Variants in KAT8 observed in about 807,000 individuals in gnomAD.
KAT8 encodes lysine acetyltransferase 8, also known as histone acetyltransferase KAT8.
Under a neutral mutation model 62.9 loss-of-function variants are expected in KAT8, and 40 were observed. The ratio of observed to expected loss-of-function variants is 0.64; its 90% confidence interval spans 0.49 to 0.83. The LOEUF is 0.83. Ranked by LOEUF, KAT8 falls within the 40% of genes least tolerant of loss-of-function variation. The probability of loss-of-function intolerance (pLI) is 0.00; values close to 1 mark genes in which losing one functional copy is unlikely to be tolerated. For missense variants in KAT8, 387 were observed against 614.8 expected (o/e 0.63, Z 3.92); for synonymous variants, 278 against 254.5 (o/e 1.09, Z -0.88).
chr16:31,119,393 C>T (rs2057476222), intron 1 of KAT8, among the ~76,000 whole-genome samples: 1 of 152,130 alleles, frequency 6.6e-6, no homozygotes, highest in Non-Finnish European at 1.5e-5. Context: ...CGTGATTCAC[C>T]CACCTCGGCC....
At chr16:31,119,941 G>A (rs1043683522) in intron 1 of KAT8, among the ~76,000 whole-genome samples, 3 of 151,896 alleles carry the variant, frequency 2.0e-5, no homozygotes, top group Middle Eastern at 3.4e-3. Context: ...TCGGCCTCCA[G>A]AAGTACTGGG....
At chr16:31,131,057 C>A (rs551463336) in intron 10 of KAT8, 138 bp from the exon 11 acceptor site, 1 of 1,504,294 alleles carries the variant, frequency 6.6e-7, no homozygotes. Flanking sequence ...CCTGGGCTTC[C>A]CTACCCCTCC....
intron 1 of KAT8, among the ~76,000 whole-genome samples, chr16:31,119,853 G>A (rs4889620): frequency 0.32 from 47,828 of 148,618 alleles, 9,549 homozygotes; most frequent in East Asian, 0.89. Flanking sequence ...TTTTTTTTTC[G>A]TCTTTTTGGT....
intron 3 of KAT8, chr16:31,126,604 G>C (rs1157434963): frequency 5.4e-6 from 1 of 186,088 alleles, no homozygotes; most frequent in East Asian, 1.5e-4. Context: ...TGGGGCAGTC[G>C]CATGGGCAGG....
chr16:31,131,327 T>C lies in KAT8; in HGVS notation c.*68T>C. The stretch of plus-strand genomic sequence containing the variant: ...AGCCTGTAAATATGTATAGACCTGT[T>C]TTGTCATTTTTTTAATAAAGTCAGT... On this transcript the variant is annotated 3_prime_UTR_variant, in exon 11 of 11. Coordinates refer to ENST00000219797, the MANE Select transcript of KAT8 (RefSeq NM_032188.3). 1.3e-6 allele frequency: 2 copies of C among 1,568,162 alleles called. No individual in the cohort carries two copies. The highest frequency in any genetic ancestry group is 1.7e-6 in the Non-Finnish European group (2 of 1,146,598).
At position 31,130,354 on chromosome 16, in the gene KAT8, G is replaced by A. The variant is rs757488191; in HGVS notation, c.1000G>A (p.Ala334Thr). 5 of 1,614,214 alleles carry A rather than the reference G, an allele frequency of 3.1e-6. No individual in the cohort carries two copies. Among genetic ancestry groups the A allele is most frequent in the South Asian group, 1.1e-5 (1 of 91,084 alleles). Residue 334 changes from alanine (A) to threonine (T), a missense_variant, in exon 8 of 11, where the codon GCT becomes ACT. This residue lies in a region of KAT8 where 141 missense variants were observed against 222.5 expected (regional missense o/e 0.63). Coordinates refer to ENST00000219797, the MANE Select transcript of KAT8 (RefSeq NM_032188.3). ...CCGCGGCTACGGGAAGTTCCTCATC[G>A]CTTTCAGTGAGTGGTTCCTGGCCTG... ...QRRGYGKFLI[A>T]FSYELSKLES...
In KAT8 at chr16:31,129,874, G is replaced by T. The variant is rs539503772; in HGVS notation, c.772-143G>T. 1.4e-5 allele frequency: 13 copies of T among 902,478 alleles called. No homozygotes were observed. The African/African-American group carries it at 2.2e-4, about 15-fold the overall frequency. The allele number at this position is 902,478 out of a possible 1,614,324, so 55.9% of individuals were successfully genotyped here. A position where few individuals can be genotyped will look rare whatever the true frequency, so the allele number is the denominator to read the frequency against. ...ATTTCCAGTTCCCTGTTCGTCAGAG[G>T]CTGACCGAAGACTCCTTCCAGTGTG... is the stretch of plus-strand genomic sequence containing the variant. On this transcript the variant is annotated intron_variant, in intron 6 of 10. Transcript: ENST00000219797.
rs200848088 is a variant in KAT8, at chr16:31,117,796, G to T, written c.115G>T (p.Gly39Cys). 7.0e-7 allele frequency: 1 copy of T among 1,424,806 alleles called. No individual in the cohort carries two copies. Among genetic ancestry groups the T allele is most frequent in the African/African-American group, 1.5e-5 (1 of 66,904 alleles). The allele number at this position is 1,424,806 out of a possible 1,614,324, so 88.3% of individuals were successfully genotyped here. A position where few individuals can be genotyped will look rare whatever the true frequency, so the allele number is the denominator to read the frequency against. ...CGCTGAGGGGACCGCCCCATCCCCGGGCCGCGTCTCTCCGCCGACCCCGGC... is the reference window on the plus strand; with the variant it reads ...CGCTGAGGGGACCGCCCCATCCCCGTGCCGCGTCTCTCCGCCGACCCCGGC... ...AAAEGTAPSP[G>C]RVSPPTPARG... Residue 39 changes from glycine (G) to cysteine (C), a missense_variant, in exon 1 of 11, where the codon GGC (glycine) becomes TGC (cysteine). Physicochemically the swap from Gly to Cys is radical, Grantham distance 159 (BLOSUM62 -3). Coordinates refer to ENST00000219797, the MANE Select transcript of KAT8 (RefSeq NM_032188.3).
chr16:31,127,286 C>T lies in KAT8; in HGVS notation c.614C>T (p.Pro205Leu). 6.2e-7 allele frequency: 1 copy of T among 1,614,230 alleles called. No homozygotes were observed. The highest frequency in any genetic ancestry group is 8.5e-7 in the Non-Finnish European group (1 of 1,180,038). The change falls in exon 5 of 11, where the codon CCC becomes CTC. Residue 205 changes from proline (P) to leucine (L), a missense_variant. Pro to Leu is a moderately conservative substitution (Grantham distance 98). This residue lies in a region of KAT8 where 141 missense variants were observed against 222.5 expected (regional missense o/e 0.63). Transcript: ENST00000219797. ...SPFPEDYGKQ[P>L]KLWLCEYCLK... ...TTCCCCGAAGACTATGGGAAACAGC[C>T]CAAGCTCTGGCTCTGCGAGTACTGC...
At chr16:31,131,088 G>C (rs957208289) in intron 10 of KAT8, 107 bp from the exon 11 acceptor site, 7 of 1,538,280 alleles carry the variant, frequency 4.6e-6, no homozygotes, top group Non-Finnish European at 5.3e-6. Context: ...CTGCCCTTTT[G>C]TTCTCACCTG....
chr16:31,130,338 C>T lies in KAT8; in HGVS notation c.984C>T (p.Tyr328=), dbSNP rs748985603. 2.0e-4 allele frequency: 323 copies of T among 1,614,102 alleles called. No individual in the cohort carries two copies. The highest frequency in any genetic ancestry group is 4.0e-5 in the Non-Finnish European group (47 of 1,180,044). Residue 328 remains tyrosine, a synonymous_variant, in exon 8 of 11, where the codon TAC becomes TAT. Coordinates refer to ENST00000219797, the MANE Select transcript of KAT8 (RefSeq NM_032188.3). ...LTLPPYQRRG[Y]GKFLIAFSYE... is the part of the protein sequence containing the mutation. ...TGCCCCCCTACCAACGCCGCGGCTA[C>T]GGGAAGTTCCTCATCGCTTTCAGTG...
At chr16:31,126,652 G>C (rs2057533395) in intron 3 of KAT8, 1 of 230,946 alleles carries the variant, frequency 4.3e-6, no homozygotes, top group Admixed American at 5.2e-5. Flanking sequence ...CAGGAACATC[G>C]GGGAGGTAGT....
In KAT8 at chr16:31,131,288, G is replaced by C; in HGVS notation, c.*29G>C. 2 of 1,613,674 alleles carry C rather than the reference G, an allele frequency of 1.2e-6. No individual in the cohort carries two copies. On this transcript the variant is annotated 3_prime_UTR_variant, in exon 11 of 11. Transcript: ENST00000219797. ...GCCTGGCCCCTGCTGTCGGACCTGA[G>C]CCTCCTGGCTCCCAGCCTGTAAATA...
chr16:31,119,597 C>T (rs774016250), intron 1 of KAT8, among the ~76,000 whole-genome samples: 3 of 152,120 alleles, frequency 2.0e-5, no homozygotes, highest in African/African-American at 4.8e-5. Flanking sequence ...TACCACTTTT[C>T]AAATCTGTGA....
intron 3 of KAT8, among the ~76,000 whole-genome samples, chr16:31,121,515 A>T (rs1376161135): frequency 1.3e-5 from 2 of 152,138 alleles, no homozygotes; most frequent in Non-Finnish European, 2.9e-5. Flanking sequence ...TTAGGGACCC[A>T]GACAGGAATT....
Position 31,117,888 on chromosome 16 carries a change from CTG to C in KAT8, c.208_209del (p.Trp70AlafsTer4). The C allele has an allele frequency of 2.3e-6, 3 of 1,294,742 alleles. No homozygotes were observed. Among genetic ancestry groups the C allele is most frequent in the Non-Finnish European group, 3.0e-6 (3 of 1,005,818 alleles). The allele number at this position is 1,294,742 out of a possible 1,614,324, so 80.2% of individuals were successfully genotyped here. A position where few individuals can be genotyped will look rare whatever the true frequency, so the allele number is the denominator to read the frequency against. ...ACCTGTGCCGGCGACCGGATAGCACCTGGCGTGAGGGCGGGGCCCAGGGCTGG... is the reference window on the plus strand; with the variant it reads ...ACCTGTGCCGGCGACCGGATAGCACCGCGTGAGGGCGGGGCCCAGGGCTGG... ...TYLCRRPDST[W>X]HSAEVIQSRV... On this transcript the variant is annotated frameshift_variant and splice_region_variant, in exon 1 of 11. Coordinates refer to ENST00000219797, the MANE Select transcript of KAT8 (RefSeq NM_032188.3). LOFTEE classifies it high-confidence loss of function.
Position 31,117,721 on chromosome 16 carries a change from A to C in KAT8, c.40A>C (p.Thr14Pro). Residue 14 changes from threonine to proline, a missense_variant, in exon 1 of 11, where the codon ACT (threonine) becomes CCT (proline). Physicochemically the swap from Thr to Pro is conservative, Grantham distance 38. Around this residue, in one of 6 missense-constraint regions of KAT8, gnomAD observed 92 missense variants for 78.8 expected, o/e 1.17. Coordinates refer to ENST00000219797, the MANE Select transcript of KAT8 (RefSeq NM_032188.3). Reference sequence around the variant, plus strand: ...AGCTGCTGCGGCGGTTGCGGCGGGGACTTCAGGGGTCGCGGGGGAGGGCGA... The same window carrying C: ...AGCTGCTGCGGCGGTTGCGGCGGGGCCTTCAGGGGTCGCGGGGGAGGGCGA... Reference protein sequence around the residue: ...QGAAAAVAAGTSGVAGEGEPG... With the variant: ...QGAAAAVAAGPSGVAGEGEPG... 1 of 1,370,696 alleles carries C rather than the reference A, an allele frequency of 7.3e-7. No individual in the cohort carries two copies. Among genetic ancestry groups the C allele is most frequent in the Non-Finnish European group, 9.5e-7 (1 of 1,057,808 alleles). The allele number at this position is 1,370,696 out of a possible 1,614,324, so 84.9% of individuals were successfully genotyped here.
At chr16:31,119,747 T>TGAA (rs984966936) in intron 1 of KAT8, among the ~76,000 whole-genome samples, 7 of 151,982 alleles carry the variant, frequency 4.6e-5, no homozygotes, top group Non-Finnish European at 8.8e-5. Flanking sequence ...CAAGCAATTC[T>TGAA]CCTGCCTCAG....
rs1364570887 is a variant in KAT8 at position 31,131,300 on chromosome 16, C to G, written c.*41C>G. On this transcript the variant is annotated 3_prime_UTR_variant, in exon 11 of 11. Coordinates refer to ENST00000219797, the MANE Select transcript of KAT8 (RefSeq NM_032188.3). The stretch of plus-strand genomic sequence containing the variant: ...CTGTCGGACCTGAGCCTCCTGGCTC[C>G]CAGCCTGTAAATATGTATAGACCTG... 6.2e-7 allele frequency: 1 copy of G among 1,610,400 alleles called. No individual in the cohort carries two copies. Among genetic ancestry groups the G allele is most frequent in the Non-Finnish European group, 8.5e-7 (1 of 1,177,214 alleles).
Sources: allele counts gnomAD v4.1 joint callset (sites outside exome capture counted in the v4.1 genomes callset), GRCh38; gene constraint gnomAD v4.1.1; regional missense constraint gnomAD v4.1.1; transcripts MANE v1.5; gene names NCBI Gene and HGNC (gene_info 2026-07-23, HGNC 2026-07-21).